DENND2A: variants seen among roughly 807,000 people sequenced by gnomAD.
DENND2A encodes the protein DENN domain-containing protein 2A.
In DENND2A, 53 loss-of-function variants were observed where a neutral mutation model predicts 105.3. The ratio of observed to expected loss-of-function variants is 0.50; its 90% CI spans 0.40 to 0.63. DENND2A has a LOEUF of 0.63. Among genes scored for constraint, DENND2A ranks in the 30% least tolerant of loss-of-function variants. The pLI, the probability that DENND2A is intolerant of heterozygous loss-of-function variation, is 0.00. For missense variants in DENND2A, 1,138 were observed against 1,279.6 expected (o/e 0.89, Z 1.69); for synonymous variants, 522 against 508.4 (o/e 1.03, Z -0.36).
At position 140,601,955 on chromosome 7, in the gene DENND2A, C is replaced by A. The variant is rs775165363; in HGVS notation, c.443G>T (p.Gly148Val). The A allele has an allele frequency of 3.7e-6, 6 of 1,614,084 alleles. No individual in the cohort carries two copies. The change falls in exon 3 of 20, where the codon GGC becomes GTC. Residue 148 changes from glycine (G) to valine (V), a missense_variant. Gly to Val is a moderately radical substitution (Grantham distance 109). Coordinates refer to ENST00000496613, the MANE Select transcript of DENND2A (RefSeq NM_015689.5). Reference protein sequence around the residue: ...SWGRGREPRLGKLRFQNDPLS... With the variant: ...SWGRGREPRLVKLRFQNDPLS... ...GGGATCGTTCTGAAAGCGTAGCTTG[C>A]CAAGTCTTGGCTCTCGGCCTCGGCC...
intron 3 of DENND2A, among the ~76,000 whole-genome samples, chr7:140,595,802 C>T (rs886416035): frequency 2.6e-5 from 4 of 151,966 alleles, no homozygotes; most frequent in African/African-American, 4.8e-5. Context: ...TGGCACCTAG[C>T]GACCATTTAA....
Position 140,527,344 on chromosome 7 carries a change from G to C in DENND2A, c.2479C>G (p.Leu827Val). The change falls in exon 15 of 20, where the codon CTG becomes GTG. Residue 827 changes from leucine to valine, a missense_variant. Physicochemically the swap from Leu to Val is conservative, Grantham distance 32 (BLOSUM62 1). Coordinates refer to ENST00000496613, the MANE Select transcript of DENND2A (RefSeq NM_015689.5). The surrounding 1 kb of genome is among the most constrained non-coding windows in gnomAD (Gnocchi z 4.9). ...LIGLLSSSLP[L>V]LRELPLEEVL... ...TCTTCCAGCGGCAGCTCCCTGAGCA[G>C]TGGCAGCGAGCTGGAGAGCAGCCCG... is the stretch of plus-strand genomic sequence containing the variant. 2 of 1,595,608 alleles carry C rather than the reference G, an allele frequency of 1.3e-6. No individual in the cohort carries two copies. The highest frequency in any genetic ancestry group is 2.7e-5 in the African/African-American group (2 of 74,852).
intron 1 of DENND2A, among the ~76,000 whole-genome samples, chr7:140,638,903 G>A (rs1470870854): frequency 6.6e-6 from 1 of 152,136 alleles, no homozygotes; most frequent in Non-Finnish European, 1.5e-5. Flanking sequence ...TTACTTTTTT[G>A]TTTGACTACC....
At chr7:140,571,234 CCA>C (rs1798083659) in intron 6 of DENND2A, among the ~76,000 whole-genome samples, 1 of 152,144 alleles carries the variant, frequency 6.6e-6, no homozygotes, top group East Asian at 1.9e-4. Context: ...TCTTGGCTCA[CCA>C]CAACCTCCGA....
Position 140,527,743 on chromosome 7 carries a change from A to G in DENND2A, c.2328-248T>C, listed in dbSNP as rs1796117119. On this transcript the variant is annotated intron_variant, in intron 14 of 19. Transcript: ENST00000496613. The surrounding 1 kb of genome is among the most constrained non-coding windows in gnomAD (Gnocchi z 4.9). ...ATAATTTTTACAAGTGCGTTTCCAC[A>G]TGTGAGCTGCACGCCCTGCACTCTC... Among the ~76,000 whole-genome samples, 2 of 152,250 alleles carry G rather than the reference A, an allele frequency of 1.3e-5. No individual in the cohort carries two copies. The highest frequency in any genetic ancestry group is 2.1e-4 in the South Asian group (1 of 4,824).
intron 18 of DENND2A, 129 bp from the exon 19 acceptor site, chr7:140,519,847 T>A: frequency 1.3e-6 from 1 of 788,924 alleles, no homozygotes; most frequent in Non-Finnish European, 2.1e-6. Flanking sequence ...AAACATGCTC[T>A]GAATCAGGAG....
chr7:140,630,633 T>G (rs1003926872), intron 1 of DENND2A, among the ~76,000 whole-genome samples: 3 of 152,014 alleles, frequency 2.0e-5, no homozygotes, highest in Admixed American at 6.6e-5. Context: ...TCATTTGAGG[T>G]CAGGAGTTCG....
At chr7:140,532,440 TC>T (rs1198043213) in intron 14 of DENND2A, among the ~76,000 whole-genome samples, 31 of 152,310 alleles carry the variant, frequency 2.0e-4, no homozygotes, top group African/African-American at 7.0e-4. Flanking sequence ...CTGACTTTAG[TC>T]CGTTAAAGGA....
intron 13 of DENND2A, 28 bp downstream of exon 13, chr7:140,546,771 G>A (rs1233655117): frequency 5.0e-6 from 8 of 1,611,656 alleles, no homozygotes; most frequent in Non-Finnish European, 6.8e-6. Flanking sequence ...TGCCTCCCCA[G>A]GGAGAAGGAA....
chr7:140,561,498 C>CTTTTTTTTTTTTTTTTTTTTTTTTTTT (rs536896244), intron 9 of DENND2A, among the ~76,000 whole-genome samples: 2 of 102,518 alleles, frequency 2.0e-5, no homozygotes, highest in Non-Finnish European at 3.8e-5. Context: ...TTTCTGTTGT[C>CTTTTTTTTTTTTTTTTTTTTTTTTTTT]TTTTTTTTTT....
intron 3 of DENND2A, among the ~76,000 whole-genome samples, chr7:140,593,566 C>T (rs572689571): frequency 3.3e-5 from 5 of 152,216 alleles, no homozygotes; most frequent in African/African-American, 9.6e-5. Flanking sequence ...TTGGACAATG[C>T]GGAAGAATCT....
rs567987015 is a variant in DENND2A at position 140,640,570 on chromosome 7, G to C, written c.-314C>G. 6.7e-6 allele frequency: 1 copy of C among 149,972 alleles called. No individual in the cohort carries two copies. The highest frequency in any genetic ancestry group is 1.5e-5 in the Non-Finnish European group (1 of 67,092). 9.3% of individuals were successfully genotyped at this position (149,972 alleles called of 1,614,324 possible). A position where few individuals can be genotyped will look rare whatever the true frequency, so the allele number is the denominator to read the frequency against. On this transcript the variant is annotated 5_prime_UTR_variant, in exon 1 of 20. Coordinates refer to ENST00000496613, the MANE Select transcript of DENND2A (RefSeq NM_015689.5). This position sits in a 1 kb window ranked among gnomAD's most constrained non-coding sequence, Gnocchi z 4.9. ...TGGGGGCTCCGGGGCGGGCCGGGAC[G>C]GCTGGCGGCGCGGCTCGGGGGCGGG... is the stretch of plus-strand genomic sequence containing the variant.
chr7:140,573,829 C>T lies in DENND2A; in HGVS notation c.1425G>A (p.Arg475=), dbSNP rs1202444186. 1 of 1,613,728 alleles carries T rather than the reference C, an allele frequency of 6.2e-7. No homozygotes were observed. ...FFNLGDPQNG[R]KKRKIPKLVL... ...TTACCTTGGGTATCTTTCTCTTCTT[C>T]CTGCCGTTCTGTGGGTCTCCAAGGT... The change falls in exon 6 of 20, where the codon AGG becomes AGA. Residue 475 remains arginine (R), a synonymous_variant. Transcript: ENST00000496613.
intron 12 of DENND2A, among the ~76,000 whole-genome samples, chr7:140,554,768 C>G (rs940794924): frequency 6.6e-6 from 1 of 152,134 alleles, no homozygotes; most frequent in Non-Finnish European, 1.5e-5. Context: ...ATCCAGAATA[C>G]CGGGGTAGAT....
intron 12 of DENND2A, among the ~76,000 whole-genome samples, chr7:140,547,729 A>T (rs1796964388): frequency 6.6e-6 from 1 of 152,246 alleles, no homozygotes; most frequent in South Asian, 2.1e-4. Context: ...AACACAGAAG[A>T]AACTTAAATG....
intron 13 of DENND2A, among the ~76,000 whole-genome samples, chr7:140,545,436 C>T (rs747076373): frequency 6.6e-6 from 1 of 152,054 alleles, no homozygotes; most frequent in East Asian, 1.9e-4. Flanking sequence ...TTGCAGCCTC[C>T]GCCTCCCAGG....
chr7:140,594,091 C>T lies in DENND2A; in HGVS notation c.996-6311G>A, dbSNP rs558518092. On this transcript the variant is annotated intron_variant, in intron 3 of 19. Transcript: ENST00000496613. ...CTGACTAATTTTTTGTATATTTACC[C>T]GAAACGAGGTTTCACCATGTAGGCC... Among the ~76,000 whole-genome samples, 9 of 151,900 alleles carry T rather than the reference C, an allele frequency of 5.9e-5. 1 individual carries two copies. In the South Asian group the frequency reaches 1.0e-3, roughly 18 times the overall value.
chr7:140,527,246 C>A lies in DENND2A; in HGVS notation c.2505+72G>T. ...TGGCTCTGAGAACCGCTCCATGATG[C>A]CTGCAGAGCCAGCGCCCCGCTCTGT... On this transcript the variant is annotated intron_variant, in intron 15 of 19. Coordinates refer to ENST00000496613, the MANE Select transcript of DENND2A (RefSeq NM_015689.5). The surrounding 1 kb of genome is among the most constrained non-coding windows in gnomAD (Gnocchi z 4.9). 1 of 1,433,262 alleles carries A rather than the reference C, an allele frequency of 7.0e-7. No individual in the cohort carries two copies. The highest frequency in any genetic ancestry group is 9.3e-7 in the Non-Finnish European group (1 of 1,077,472). 88.8% of individuals were successfully genotyped at this position (1,433,262 alleles called of 1,614,324 possible).
intron 17 of DENND2A, 94 bp from the exon 18 acceptor site, chr7:140,522,194 C>G (rs1007450798): frequency 4.7e-6 from 7 of 1,483,648 alleles, no homozygotes; most frequent in Admixed American, 2.1e-5. Context: ...AGAACAGTAA[C>G]TGCTAGTTCC....
Sources: allele counts gnomAD v4.1 joint callset (sites outside exome capture counted in the v4.1 genomes callset), GRCh38; gene constraint gnomAD v4.1.1; non-coding constraint Gnocchi (gnomAD v3.1); transcripts MANE v1.5; gene names NCBI Gene and HGNC (gene_info 2026-07-23, HGNC 2026-07-21).